The following HDAC4 variants were observed in gnomAD, a reference collection of about 807,000 sequenced individuals.
HDAC4 encodes histone deacetylase 4, also known as histone deacetylase A.
HDAC4 carries 16 observed loss-of-function variants against 135.1 expected under a neutral mutation model. That is an observed-to-expected ratio of 0.12 (90% CI 0.08 to 0.18). HDAC4 has a LOEUF of 0.18. Among genes scored for constraint, HDAC4 ranks in the 10% least tolerant of loss-of-function variants. The pLI, the probability that HDAC4 is intolerant of heterozygous loss-of-function variation, is 1.00. For synonymous variants in HDAC4, 685 were observed against 653.4 expected, an observed-to-expected ratio of 1.05 and a Z score of -0.74; for missense variants, 1,143 against 1,511.8, an observed-to-expected ratio of 0.76 and a Z score of 4.05.
chr2:239,361,636 C>T (rs1333653787), intron 1 of HDAC4, among the ~76,000 whole-genome samples: 3 of 152,222 alleles, frequency 2.0e-5, no homozygotes, highest in Non-Finnish European at 4.4e-5. Flanking sequence ...GCAGCGCTAT[C>T]TGAAGCCCAC....
At chr2:239,100,083 G>A (rs770640903) in intron 16 of HDAC4, among the ~76,000 whole-genome samples, 11 of 152,228 alleles carry the variant, frequency 7.2e-5, no homozygotes, top group Non-Finnish European at 1.3e-4. Flanking sequence ...GCTCTCACCT[G>A]TCCCTGCATT....
chr2:239,333,356 T>C (rs545305603), intron 2 of HDAC4, among the ~76,000 whole-genome samples: 2 of 152,304 alleles, frequency 1.3e-5, no homozygotes, highest in Admixed American at 1.3e-4. Context: ...TTACTGACTC[T>C]CTACAGAAAA....
intron 3 of HDAC4, among the ~76,000 whole-genome samples, chr2:239,197,766 T>A (rs888890844): frequency 1.3e-5 from 2 of 152,152 alleles, no homozygotes; most frequent in African/African-American, 4.8e-5. Flanking sequence ...ATTCTTTTTT[T>A]AAAATGTCAT....
intron 3 of HDAC4, among the ~76,000 whole-genome samples, chr2:239,223,223 T>A (rs944134425): frequency 3.9e-5 from 6 of 152,176 alleles, no homozygotes; most frequent in African/African-American, 1.4e-4. Flanking sequence ...GGAACCACTA[T>A]TACTTAACAG....
At chr2:239,073,962 C>A (rs941305632) in intron 22 of HDAC4, among the ~76,000 whole-genome samples, 2 of 151,632 alleles carry the variant, frequency 1.3e-5, no homozygotes, top group Non-Finnish European at 2.9e-5. Context: ...GGCAGCAGGA[C>A]TGAGGGGGGC....
At chr2:239,342,743 G>A (rs1357380022) in intron 2 of HDAC4, among the ~76,000 whole-genome samples, 3 of 152,190 alleles carry the variant, frequency 2.0e-5, no homozygotes, top group African/African-American at 7.2e-5. Context: ...TACAGTGAGG[G>A]CTGAGGGAGA....
At chr2:239,200,192 G>A (rs1051239573) in intron 3 of HDAC4, among the ~76,000 whole-genome samples, 1 of 152,142 alleles carries the variant, frequency 6.6e-6, no homozygotes, top group African/African-American at 2.4e-5. Flanking sequence ...CCTGAGGGAC[G>A]GACATGCGTG....
chr2:239,176,326 C>G, intron 5 of HDAC4, 87 bp downstream of exon 5: 1 of 454,900 alleles, frequency 2.2e-6, no homozygotes, highest in East Asian at 7.8e-5. Flanking sequence ...CGCCCGCACT[C>G]CCTCCCTCTG....
intron 12 of HDAC4, among the ~76,000 whole-genome samples, chr2:239,123,958 A>G (rs1170569758): frequency 6.6e-6 from 1 of 151,734 alleles, no homozygotes; most frequent in Non-Finnish European, 1.5e-5. Flanking sequence ...GAGCCTCCGG[A>G]CAGGTGGACA....
At chr2:239,207,733 C>A (rs895618128) in intron 3 of HDAC4, among the ~76,000 whole-genome samples, 1 of 152,176 alleles carries the variant, frequency 6.6e-6, no homozygotes. Flanking sequence ...ACTTTAAAAT[C>A]TTTTCACAAA....
At chr2:239,182,657 A>G (rs2044227318) in intron 4 of HDAC4, among the ~76,000 whole-genome samples, 1 of 152,144 alleles carries the variant, frequency 6.6e-6, no homozygotes, top group Non-Finnish European at 1.5e-5. Context: ...TTATCTGTAG[A>G]GCAAAGCCTG....
In HDAC4 at chr2:239,352,820, G is replaced by T; in HGVS notation, c.-121C>A. The T allele has an allele frequency of 9.7e-7, 1 of 1,026,910 alleles. No individual in the cohort carries two copies. The highest frequency in any genetic ancestry group is 1.5e-6 in the Non-Finnish European group (1 of 672,276). The allele number at this position is 1,026,910 out of a possible 1,614,324, so 63.6% of individuals were successfully genotyped here. Reference sequence around the variant, plus strand: ...ACAAGTACCGGGACGGTGAGGGCTGGGTCACAGACGTTCAAGCGCCGAGCC... The same window carrying T: ...ACAAGTACCGGGACGGTGAGGGCTGTGTCACAGACGTTCAAGCGCCGAGCC... On this transcript the variant is annotated 5_prime_UTR_variant, in exon 2 of 27. Transcript: ENST00000543185. The surrounding 1 kb of genome is among the most constrained non-coding windows in gnomAD (Gnocchi z 4.4).
Position 239,392,890 on chromosome 2 carries a change from G to A in HDAC4, c.-220+8088C>T, listed in dbSNP as rs149636269. Among the ~76,000 whole-genome samples, 142 of 152,312 alleles carry A rather than the reference G, an allele frequency of 9.3e-4. 1 individual carries two copies. The highest frequency in any genetic ancestry group is 3.4e-3 in the Middle Eastern group (1 of 294). On this transcript the variant is annotated intron_variant, in intron 1 of 26. Coordinates refer to ENST00000543185, the MANE Select transcript of HDAC4 (RefSeq NM_001378414.1). ...CCAGGCTGGGCTCAGCCTCAGACCC[G>A]GAATTCTGGTGTGTAAACCGGTGGC...
At chr2:239,176,245 G>A (rs528130577) in intron 5 of HDAC4, among the ~76,000 whole-genome samples, 168 bp downstream of exon 5, 1 of 115,602 alleles carries the variant, frequency 8.7e-6, no homozygotes, top group Admixed American at 8.9e-5. Flanking sequence ...CCAGCCTTCC[G>A]TGCCCGCACC....
At position 239,400,926 on chromosome 2, in the gene HDAC4, C is replaced by G. The variant is rs1696949114; in HGVS notation, c.-220+52G>C. On this transcript the variant is annotated intron_variant, in intron 1 of 26. Coordinates refer to ENST00000543185, the MANE Select transcript of HDAC4 (RefSeq NM_001378414.1). This position sits in a 1 kb window ranked among gnomAD's most constrained non-coding sequence, Gnocchi z 4.7. ...TCGGGCGGCGGCGGGGACGGTGCTC[C>G]GCGGCGGCGGCCCCACAACCTCCCC... The G allele has an allele frequency of 6.7e-6, 1 of 149,572 alleles. No homozygotes were observed. Among genetic ancestry groups the G allele is most frequent in the Non-Finnish European group, 1.5e-5 (1 of 66,892 alleles). 9.3% of individuals were successfully genotyped at this position (149,572 alleles called of 1,614,324 possible). A position where few individuals can be genotyped will look rare whatever the true frequency, so the allele number is the denominator to read the frequency against.
At chr2:239,062,608 G>T (rs1316355269) in intron 24 of HDAC4, among the ~76,000 whole-genome samples, 1 of 152,246 alleles carries the variant, frequency 6.6e-6, no homozygotes, top group Non-Finnish European at 1.5e-5. Context: ...AAAATAACTA[G>T]CCAGAAGAAC....
At chr2:239,126,950 G>A (rs909329678) in intron 11 of HDAC4, among the ~76,000 whole-genome samples, 1 of 152,206 alleles carries the variant, frequency 6.6e-6, no homozygotes, top group Admixed American at 6.5e-5. Flanking sequence ...CACAGGAAAC[G>A]TCAGGAGTCC....
chr2:239,280,939 A>C (rs1189458243), intron 2 of HDAC4, among the ~76,000 whole-genome samples: 3 of 141,576 alleles, frequency 2.1e-5, no homozygotes, highest in Non-Finnish European at 4.5e-5. Flanking sequence ...CACAATGTAC[A>C]CACCACTCTA....
At chr2:239,350,153 T>C (rs1448230589) in intron 2 of HDAC4, among the ~76,000 whole-genome samples, 1 of 151,252 alleles carries the variant, frequency 6.6e-6, no homozygotes, top group Non-Finnish European at 1.5e-5. Flanking sequence ...AAACCAAGGG[T>C]AGAAATACCT....
Sources: allele counts gnomAD v4.1 joint callset (sites outside exome capture counted in the v4.1 genomes callset), GRCh38; gene constraint gnomAD v4.1.1; non-coding constraint Gnocchi (gnomAD v3.1); transcripts MANE v1.5; gene names NCBI Gene and HGNC (gene_info 2026-07-23, HGNC 2026-07-21).